The following ZFAT variants were observed in gnomAD, a reference collection of about 807,000 sequenced individuals.
The protein encoded by ZFAT is zinc finger and AT-hook domain containing.
In ZFAT, 64 loss-of-function variants were observed where a neutral mutation model predicts 117.7. The observed-to-expected ratio is 0.54, with a 90% CI of 0.44 to 0.67. ZFAT has a LOEUF of 0.67. ZFAT is among the 30% of genes least tolerant of loss of function. ZFAT has a pLI of 0.00. For synonymous variants in ZFAT, 679 were observed against 615.0 expected, an observed-to-expected ratio of 1.10 and a Z score of -1.54; for missense variants, 1,433 against 1,584.5, an observed-to-expected ratio of 0.90 and a Z score of 1.62.
At chr8:134,616,377 T>C (rs10875384) in intron 3 of ZFAT, among the ~76,000 whole-genome samples, 14,787 of 152,238 alleles carry the variant, frequency 0.097, 1,028 homozygotes, top group East Asian at 0.36. Flanking sequence ...TTTGACCTGG[T>C]TGCTCACCAA....
the ZFAT span, among the ~76,000 whole-genome samples, chr8:134,783,480 CCT>C: frequency 3.2e-3 from 487 of 152,266 alleles, 5 homozygotes; most frequent in African/African-American, 0.011. Flanking sequence ...CCCCCTTACC[CCT>C]GTCCATGGAA....
the ZFAT span, among the ~76,000 whole-genome samples, chr8:134,761,700 A>C: frequency 6.7e-6 from 1 of 150,294 alleles, no homozygotes; most frequent in African/African-American, 2.4e-5. Context: ...CTCCGTTTCA[A>C]AAAAAAAAAG....
intron 3 of ZFAT, among the ~76,000 whole-genome samples, chr8:134,632,729 A>C (rs893770747): frequency 6.6e-6 from 1 of 152,254 alleles, no homozygotes; most frequent in Non-Finnish European, 1.5e-5. Flanking sequence ...AAGGAAAAAA[A>C]GCAATGCTAC....
At chr8:134,528,850 A>C (rs1008027580) in intron 12 of ZFAT, among the ~76,000 whole-genome samples, 1 of 152,098 alleles carries the variant, frequency 6.6e-6, no homozygotes, top group Admixed American at 6.5e-5. Context: ...AATACCACCA[A>C]CGACTGCCTT....
At chr8:134,532,724 G>T in intron 12 of ZFAT, 110 bp downstream of exon 12, 1 of 1,366,152 alleles carries the variant, frequency 7.3e-7, no homozygotes, top group South Asian at 1.4e-5. Flanking sequence ...AACATCACTG[G>T]CACATTTATG....
intron 14 of ZFAT, chr8:134,510,246 T>G (rs1398712214): frequency 2.3e-6 from 1 of 433,568 alleles, no homozygotes; most frequent in Non-Finnish European, 4.7e-6. Flanking sequence ...TCCAAACCAA[T>G]TGAAGCTGGG....
chr8:134,544,027 TG>T (rs1398103320), intron 11 of ZFAT, among the ~76,000 whole-genome samples: 7 of 152,236 alleles, frequency 4.6e-5, no homozygotes, highest in Non-Finnish European at 8.8e-5. Context: ...GTGGGAATGT[TG>T]ATGAGCTAGG....
At chr8:134,737,160 A>T in the ZFAT span, among the ~76,000 whole-genome samples, 12 of 152,184 alleles carry the variant, frequency 7.9e-5, no homozygotes, top group Admixed American at 7.9e-4. Flanking sequence ...CATGATTGTA[A>T]TCCCAGCTAC....
chr8:134,710,587 G>C (rs1033412794), intron 1 of ZFAT, among the ~76,000 whole-genome samples: 2 of 152,082 alleles, frequency 1.3e-5, no homozygotes, highest in South Asian at 2.1e-4. Context: ...AAAATGCTTG[G>C]GACCAGAAGT....
At chr8:134,752,836 C>T in the ZFAT span, among the ~76,000 whole-genome samples, 5 of 152,156 alleles carry the variant, frequency 3.3e-5, no homozygotes, top group African/African-American at 9.7e-5. Flanking sequence ...ATAAGGGCCC[C>T]GCCCTCAGGA....
At chr8:134,809,963 G>C in the ZFAT span, among the ~76,000 whole-genome samples, 2 of 152,174 alleles carry the variant, frequency 1.3e-5, no homozygotes, top group African/African-American at 4.8e-5. Flanking sequence ...AGAGCTAACT[G>C]AGTGTTAAGA....
At chr8:134,542,634 C>T (rs1330904554) in intron 11 of ZFAT, among the ~76,000 whole-genome samples, 1 of 152,238 alleles carries the variant, frequency 6.6e-6, no homozygotes. Flanking sequence ...TGATCTCACA[C>T]AAGTGTCTTT....
chr8:134,608,645 C>A (rs1828074426), intron 5 of ZFAT, 84 bp downstream of exon 5: 5 of 1,499,618 alleles, frequency 3.3e-6, no homozygotes, highest in African/African-American at 1.4e-5. Context: ...TCCAAACGAA[C>A]AAGCATGCTG....
At chr8:134,829,888 TA>T in the ZFAT span, among the ~76,000 whole-genome samples, 2 of 152,182 alleles carry the variant, frequency 1.3e-5, no homozygotes, top group Admixed American at 6.5e-5. Flanking sequence ...AAGCAATTCT[TA>T]AAAATGTAAT....
intron 5 of ZFAT, among the ~76,000 whole-genome samples, chr8:134,608,011 C>T (rs1828022490): frequency 6.6e-6 from 1 of 152,164 alleles, no homozygotes; most frequent in Non-Finnish European, 1.5e-5. Flanking sequence ...GATGTATACA[C>T]CAAAACATTA....
At chr8:134,707,314 G>A (rs999975655) in intron 1 of ZFAT, among the ~76,000 whole-genome samples, 5 of 152,106 alleles carry the variant, frequency 3.3e-5, no homozygotes, top group African/African-American at 1.2e-4. Context: ...CCACTGCCAG[G>A]ACTGCATGAA....
At chr8:134,623,335 G>T (rs1428299557) in intron 3 of ZFAT, among the ~76,000 whole-genome samples, 4 of 152,190 alleles carry the variant, frequency 2.6e-5, no homozygotes, top group African/African-American at 9.7e-5. Context: ...TCAGGAGGCT[G>T]CCCTTGGTGG....
intron 11 of ZFAT, among the ~76,000 whole-genome samples, chr8:134,561,292 T>C (rs1824031700): frequency 1.3e-5 from 2 of 152,220 alleles, no homozygotes; most frequent in Non-Finnish European, 1.5e-5. Context: ...AAAGGCAATA[T>C]TAAAAATTGC....
chr8:134,817,707 T>C, the ZFAT span, among the ~76,000 whole-genome samples: 1 of 152,096 alleles, frequency 6.6e-6, no homozygotes, highest in African/African-American at 2.4e-5. Flanking sequence ...ATTCTAAAAT[T>C]CATAAGGAAA....
Sources: allele counts gnomAD v4.1 joint callset (sites outside exome capture counted in the v4.1 genomes callset), GRCh38; gene constraint gnomAD v4.1.1; transcripts MANE v1.5; gene names NCBI Gene and HGNC (gene_info 2026-07-23, HGNC 2026-07-21).